GALNT13: variants seen among roughly 807,000 people sequenced by gnomAD.
The protein encoded by GALNT13 is UDP-GalNAc:polypeptide N-acetylgalactosaminyltransferase 13.
GALNT13 carries 28 observed loss-of-function variants against 64.2 expected under a neutral mutation model. The ratio of observed to expected loss-of-function variants is 0.44; its 90% CI spans 0.32 to 0.60. The LOEUF (loss-of-function observed/expected upper bound fraction) is 0.60. Ranked by LOEUF, GALNT13 falls within the 20% of genes least tolerant of loss-of-function variation. GALNT13 has a pLI of 0.05. For synonymous variants in GALNT13, 214 were observed against 224.6 expected (o/e 0.95, Z 0.42); for missense variants, 577 against 669.8 (o/e 0.86, Z 1.53).
chr2:154,110,318 TATATATATATATATATATAGAGAG>T (rs1558963028), intron 3 of GALNT13, among the ~76,000 whole-genome samples: 2 of 37,938 alleles, frequency 5.3e-5, no homozygotes, highest in African/African-American at 2.5e-4. Context: ...TATATATATA[TATATATATATATATATATAGAGAG>T]AGAGAGAGAG....
chr2:153,709,825 C>T, the GALNT13 span, among the ~76,000 whole-genome samples: 1 of 151,912 alleles, frequency 6.6e-6, no homozygotes, highest in African/African-American at 2.4e-5. Context: ...TAAGTTCTGT[C>T]ATTGTGACAA....
intron 9 of GALNT13, among the ~76,000 whole-genome samples, chr2:154,385,731 A>G (rs1698482397): frequency 6.6e-6 from 1 of 151,980 alleles, no homozygotes; most frequent in African/African-American, 2.4e-5. Context: ...TGCCTAACTA[A>G]ACCATACTAC....
the GALNT13 span, among the ~76,000 whole-genome samples, chr2:153,277,379 A>G: frequency 1.3e-5 from 2 of 152,234 alleles, no homozygotes; most frequent in African/African-American, 4.8e-5. Context: ...TGCAAAGTAC[A>G]TAATTTCATT....
At chr2:153,263,254 T>G in the GALNT13 span, among the ~76,000 whole-genome samples, 3 of 151,968 alleles carry the variant, frequency 2.0e-5, no homozygotes, top group African/African-American at 4.8e-5. Flanking sequence ...GTGAAGGACC[T>G]CTTCAAGGAG....
At chr2:153,903,650 T>C (rs1189852261) in intron 2 of GALNT13, among the ~76,000 whole-genome samples, 1 of 152,040 alleles carries the variant, frequency 6.6e-6, no homozygotes. Context: ...AAAGCTTAAA[T>C]GAGATAAATC....
chr2:154,242,601 C>A, intron 5 of GALNT13, 97 bp from the exon 6 acceptor site: 1 of 751,990 alleles, frequency 1.3e-6, no homozygotes. Context: ...GAATTGGCCA[C>A]CATTTCTGTG....
At chr2:154,074,885 A>G (rs560200943) in intron 3 of GALNT13, among the ~76,000 whole-genome samples, 11 of 152,026 alleles carry the variant, frequency 7.2e-5, no homozygotes, top group Middle Eastern at 6.8e-3. Flanking sequence ...CATACTAGCC[A>G]CTGAAGGAAC....
intron 4 of GALNT13, among the ~76,000 whole-genome samples, chr2:154,206,725 A>C (rs553149956): frequency 6.6e-6 from 1 of 151,794 alleles, no homozygotes; most frequent in African/African-American, 2.4e-5. Flanking sequence ...TGAACCTTGC[A>C]GTGAGCCGAG....
chr2:153,909,669 G>T (rs1430351514), intron 2 of GALNT13, among the ~76,000 whole-genome samples: 1 of 152,050 alleles, frequency 6.6e-6, no homozygotes, highest in East Asian at 1.9e-4. Context: ...CATCTTTTCA[G>T]CTTCTATTGC....
chr2:153,431,152 A>G, the GALNT13 span, among the ~76,000 whole-genome samples: 4 of 130,682 alleles, frequency 3.1e-5, no homozygotes, highest in African/African-American at 8.1e-5. Flanking sequence ...TCTGTCAAAA[A>G]AAAAAAAAAA....
chr2:153,699,203 C>G, the GALNT13 span, among the ~76,000 whole-genome samples: 2 of 152,056 alleles, frequency 1.3e-5, no homozygotes, highest in Non-Finnish European at 2.9e-5. Context: ...AAATACACAA[C>G]TACATGGAAA....
the GALNT13 span, among the ~76,000 whole-genome samples, chr2:153,728,648 G>A: frequency 6.6e-6 from 1 of 152,126 alleles, no homozygotes; most frequent in Non-Finnish European, 1.5e-5. Context: ...TAAGATCAGA[G>A]CAGAACTGAA....
At chr2:153,347,107 G>A in the GALNT13 span, among the ~76,000 whole-genome samples, 2 of 152,256 alleles carry the variant, frequency 1.3e-5, no homozygotes, top group Non-Finnish European at 2.9e-5. Context: ...ATACTCAAGT[G>A]ATACATGTAT....
the GALNT13 span, among the ~76,000 whole-genome samples, chr2:153,808,686 C>T: frequency 6.6e-6 from 1 of 152,170 alleles, no homozygotes; most frequent in African/African-American, 2.4e-5. Context: ...CTTCTTCTCT[C>T]CAACAACTCT....
the GALNT13 span, among the ~76,000 whole-genome samples, chr2:153,796,551 A>G: frequency 0.24 from 36,006 of 152,172 alleles, 4,575 homozygotes; most frequent in Non-Finnish European, 0.28. Context: ...ACAGTAAAGT[A>G]TAACAAAAAT....
the GALNT13 span, among the ~76,000 whole-genome samples, chr2:153,723,528 A>C: frequency 6.6e-6 from 1 of 150,778 alleles, no homozygotes; most frequent in South Asian, 2.1e-4. Flanking sequence ...CTGTTTGCAG[A>C]CGACATGATT....
chr2:153,605,105 T>G, the GALNT13 span, among the ~76,000 whole-genome samples: 1 of 152,210 alleles, frequency 6.6e-6, no homozygotes, highest in African/African-American at 2.4e-5. Flanking sequence ...CTGGTTGTTT[T>G]AAAGGAAAGC....
chr2:153,878,904 G>C (rs1424520207), intron 1 of GALNT13, among the ~76,000 whole-genome samples: 1 of 152,134 alleles, frequency 6.6e-6, no homozygotes, highest in Non-Finnish European at 1.5e-5. Flanking sequence ...TGGCTAAATT[G>C]ACCTAAGACA....
chr2:153,798,592 G>T, the GALNT13 span, among the ~76,000 whole-genome samples: 2 of 152,188 alleles, frequency 1.3e-5, no homozygotes, highest in Admixed American at 1.3e-4. Context: ...CCTGGTTTAA[G>T]ATACAACCAA....
Sources: gnomAD v4.1 joint callset for allele counts (sites outside exome capture counted in the v4.1 genomes callset) on GRCh38, gnomAD v4.1.1 for gene constraint, MANE v1.5 for transcripts, NCBI Gene and HGNC (gene_info 2026-07-23, HGNC 2026-07-21) for gene names.